The following PTPRD variants were observed in gnomAD, a reference collection of about 807,000 sequenced individuals.
PTPRD encodes the protein protein tyrosine phosphatase receptor type D, also known as receptor-type tyrosine-protein phosphatase delta.
In PTPRD, 34 loss-of-function variants were observed where a neutral mutation model predicts 214.5. The ratio of observed to expected loss-of-function variants is 0.16; its 90% confidence interval spans 0.12 to 0.21. PTPRD has a LOEUF of 0.21. PTPRD is among the 10% of genes least tolerant of loss of function. PTPRD has a pLI of 1.00. For missense variants in PTPRD, 2,545 were observed against 2,398.7 expected (o/e 1.06, Z -1.27); for synonymous variants, 1,128 against 845.7 (o/e 1.33, Z -5.79).
At chr9:9,707,366 T>C (rs2097643305) in intron 7 of PTPRD, among the ~76,000 whole-genome samples, 1 of 152,184 alleles carries the variant, frequency 6.6e-6, no homozygotes, top group South Asian at 2.1e-4. Context: ...TTACACAAGA[T>C]ACAAATTATT....
intron 35 of PTPRD, among the ~76,000 whole-genome samples, chr9:8,413,951 T>C (rs1471364181): frequency 6.6e-6 from 1 of 152,130 alleles, no homozygotes; most frequent in Non-Finnish European, 1.5e-5. Context: ...GTATTAGACC[T>C]CTGGAAAAAA....
At chr9:8,640,079 C>A (rs2096539736) in intron 12 of PTPRD, among the ~76,000 whole-genome samples, 1 of 152,132 alleles carries the variant, frequency 6.6e-6, no homozygotes, top group South Asian at 2.1e-4. Context: ...CACAACCACA[C>A]ACCACCATGC....
chr9:8,902,330 C>A (rs2098676142), intron 11 of PTPRD, among the ~76,000 whole-genome samples: 1 of 143,006 alleles, frequency 7.0e-6, no homozygotes, highest in African/African-American at 2.6e-5. Flanking sequence ...TTTTTCTTTT[C>A]TTTTCTTTCT....
At chr9:9,947,439 T>A (rs2092812333) in intron 4 of PTPRD, among the ~76,000 whole-genome samples, 1 of 28,550 alleles carries the variant, frequency 3.5e-5, no homozygotes, top group Non-Finnish European at 4.7e-5. Flanking sequence ...ATATATATTA[T>A]ATATTTTATA....
chr9:10,197,050 C>G, intron 3 of PTPRD, among the ~76,000 whole-genome samples: 1 of 151,994 alleles, frequency 6.6e-6, no homozygotes. Context: ...TCTTTATAAG[C>G]CCCCTAGTTT....
At chr9:8,491,930 A>G (rs999550026) in intron 27 of PTPRD, among the ~76,000 whole-genome samples, 4 of 152,164 alleles carry the variant, frequency 2.6e-5, no homozygotes, top group South Asian at 2.1e-4. Flanking sequence ...TTACATGTTC[A>G]CGGGAGATTG....
At chr9:9,388,475 C>T (rs1222583961) in intron 9 of PTPRD, among the ~76,000 whole-genome samples, 3 of 152,086 alleles carry the variant, frequency 2.0e-5, no homozygotes, top group Admixed American at 2.0e-4. Context: ...AATAATTGCA[C>T]TGGGAGAAGA....
chr9:9,869,633 C>T (rs2064924190), intron 5 of PTPRD, among the ~76,000 whole-genome samples: 1 of 151,780 alleles, frequency 6.6e-6, no homozygotes, highest in South Asian at 2.1e-4. Context: ...CTAAATCTAA[C>T]CAAAAATCTA....
intron 8 of PTPRD, among the ~76,000 whole-genome samples, chr9:9,491,722 T>A (rs117700448): frequency 0.018 from 2,794 of 152,054 alleles, 46 homozygotes; most frequent in Non-Finnish European, 0.028. Flanking sequence ...ATTTAAAATA[T>A]TTAGAGATGA....
chr9:9,745,828 T>C lies in PTPRD; in HGVS notation c.-325-11257A>G, dbSNP rs542469801. 1.3e-3 allele frequency among the ~76,000 whole-genome samples: 196 copies of C among 152,248 alleles called. No homozygotes were observed. In the Middle Eastern group the frequency reaches 0.017, roughly 13 times the overall value. Reference sequence around the variant, plus strand: ...ACAGTGCTTTTCATATAGTATATAGTAAGGTAGCTAAATGCTAGAATAGCT... The same window carrying C: ...ACAGTGCTTTTCATATAGTATATAGCAAGGTAGCTAAATGCTAGAATAGCT... On this transcript the variant is annotated intron_variant, in intron 6 of 45. Coordinates refer to ENST00000381196, the MANE Select transcript of PTPRD (RefSeq NM_002839.4).
chr9:10,124,837 G>T (rs373028181), intron 3 of PTPRD, among the ~76,000 whole-genome samples: 9 of 152,168 alleles, frequency 5.9e-5, no homozygotes, highest in East Asian at 5.8e-4. Flanking sequence ...TGAAACTTTT[G>T]TGTGATTTTA....
intron 7 of PTPRD, among the ~76,000 whole-genome samples, chr9:9,666,259 C>G (rs1185026264): frequency 1.3e-5 from 2 of 151,812 alleles, no homozygotes; most frequent in Non-Finnish European, 2.9e-5. Context: ...ACACTGGTAT[C>G]CTGTACAGTA....
At chr9:10,580,567 A>G (rs2071375701) in intron 2 of PTPRD, among the ~76,000 whole-genome samples, 1 of 152,188 alleles carries the variant, frequency 6.6e-6, no homozygotes, top group Non-Finnish European at 1.5e-5. Context: ...GATTGAGTAG[A>G]AATGCTGTCT....
At chr9:9,825,499 A>G (rs2052497568) in intron 5 of PTPRD, among the ~76,000 whole-genome samples, 1 of 151,812 alleles carries the variant, frequency 6.6e-6, no homozygotes, top group African/African-American at 2.4e-5. Context: ...GACAGACAGA[A>G]ACAGACAGGT....
At chr9:9,735,964 C>T (rs2098285833) in intron 6 of PTPRD, among the ~76,000 whole-genome samples, 2 of 152,062 alleles carry the variant, frequency 1.3e-5, no homozygotes, top group African/African-American at 4.8e-5. Flanking sequence ...AGATAAACAC[C>T]TTGAAGTTAA....
intron 11 of PTPRD, among the ~76,000 whole-genome samples, chr9:8,742,763 T>C (rs1013619009): frequency 1.3e-5 from 2 of 152,182 alleles, no homozygotes; most frequent in Non-Finnish European, 2.9e-5. Flanking sequence ...TTTTAAATAG[T>C]TCATTATGAT....
chr9:8,591,055 G>C (rs1372433785), intron 14 of PTPRD, among the ~76,000 whole-genome samples: 1 of 152,112 alleles, frequency 6.6e-6, no homozygotes, highest in Non-Finnish European at 1.5e-5. Flanking sequence ...TTCAGAGCCA[G>C]CAAAGGCCAG....
intron 11 of PTPRD, among the ~76,000 whole-genome samples, chr9:8,854,912 T>A (rs886563644): frequency 6.6e-6 from 1 of 152,202 alleles, no homozygotes; most frequent in Non-Finnish European, 1.5e-5. Flanking sequence ...TTCTTGTTTA[T>A]CTTTGTCATA....
intron 2 of PTPRD, among the ~76,000 whole-genome samples, chr9:10,417,352 T>G (rs926722457): frequency 6.6e-6 from 1 of 151,838 alleles, no homozygotes; most frequent in African/African-American, 2.4e-5. Flanking sequence ...CTTTGTTGGA[T>G]TTTTTATTTT....
Sources: allele counts gnomAD v4.1 joint callset (sites outside exome capture counted in the v4.1 genomes callset), GRCh38; gene constraint gnomAD v4.1.1; transcripts MANE v1.5; gene names NCBI Gene and HGNC (gene_info 2026-07-23, HGNC 2026-07-21).